Variants in TMEM201 observed in about 807,000 individuals in gnomAD.
TMEM201 encodes the protein transmembrane protein 201.
TMEM201 carries 26 observed loss-of-function variants against 63.4 expected under a neutral mutation model. That is an observed-to-expected ratio of 0.41 (90% confidence interval 0.30 to 0.57). The LOEUF (loss-of-function observed/expected upper bound fraction) is 0.57, where lower values mean the gene tolerates loss of function less well. Among genes scored for constraint, TMEM201 ranks in the 20% least tolerant of loss-of-function variants. TMEM201 has a pLI of 0.29. For missense variants in TMEM201, 794 were observed against 917.7 expected, an observed-to-expected ratio of 0.87 and a Z score of 1.74; for synonymous variants, 417 against 421.6, an observed-to-expected ratio of 0.99 and a Z score of 0.14.
chr1:9,607,315 C>T lies in TMEM201; in HGVS notation c.1161-242C>T, dbSNP rs532050225. On this transcript the variant is annotated intron_variant, in intron 6 of 10. Coordinates refer to ENST00000340381, the MANE Select transcript of TMEM201 (RefSeq NM_001130924.3). The surrounding 1 kb of genome is among the most constrained non-coding windows in gnomAD (Gnocchi z 5.4). ...GTAGTGGAGATAGTTTGCTGTGAGC[C>T]GAGGGGGTAGGAGGGGGCATGTGGG... is the stretch of plus-strand genomic sequence containing the variant. Among the ~76,000 whole-genome samples the T allele has an allele frequency of 3.3e-5, 5 of 151,312 alleles. No individual in the cohort carries two copies. The highest frequency in any genetic ancestry group is 2.1e-4 in the South Asian group (1 of 4,760).
rs60327689 is a variant in TMEM201 at position 9,613,590 on chromosome 1, C to T, written c.*507C>T. 2.8e-3 allele frequency: 437 copies of T among 156,512 alleles called. 2 individuals are homozygous for T. Among genetic ancestry groups the T allele is most frequent in the African/African-American group, 9.9e-3 (412 of 41,642 alleles). The allele number at this position is 156,512 out of a possible 1,614,324, so 9.7% of individuals were successfully genotyped here. A position where few individuals can be genotyped will look rare whatever the true frequency, so the allele number is the denominator to read the frequency against. ...GGGGAAGCATGGTCCTTATCATCTG[C>T]CCTATCTTGCCCCTTCCTGTGGAGT... is the stretch of plus-strand genomic sequence containing the variant. On this transcript the variant is annotated 3_prime_UTR_variant, in exon 11 of 11. Transcript: ENST00000340381.
In TMEM201 at chr1:9,611,603, G is replaced by GC. The variant is rs529525270; in HGVS notation, c.1766-144dup. ...GGCAGGACAGTTGAGCAAGGACCTG[G>GC]CCCCCCACTGTCCAGGGTGGATGAG... On this transcript the variant is annotated intron_variant, in intron 9 of 10. Transcript: ENST00000340381. 8.7e-4 allele frequency: 811 copies of GC among 932,350 alleles called. 6 individuals are homozygous for GC. The African/African-American group carries it at 0.011, about 13-fold the overall frequency. The allele number at this position is 932,350 out of a possible 1,614,324, so 57.8% of individuals were successfully genotyped here. A position where few individuals can be genotyped will look rare whatever the true frequency, so the allele number is the denominator to read the frequency against.
chr1:9,602,126 C>T lies in TMEM201; in HGVS notation c.1014C>T (p.His338=), dbSNP rs1261097747. The T allele has an allele frequency of 1.9e-6, 3 of 1,613,086 alleles. No homozygotes were observed. Among genetic ancestry groups the T allele is most frequent in the East Asian group, 2.2e-5 (1 of 44,876 alleles). Residue 338 remains histidine (H), a synonymous_variant, in exon 6 of 11, where the codon CAC becomes CAT. Transcript: ENST00000340381. ...TGTGGGCCCTGCTGCTGGGGCTGCA[C>T]CTGGCTGAGCAGCACCTGCAGGCCG... ...TCLWALLLGL[H]LAEQHLQAAS...
intron 1 of TMEM201, among the ~76,000 whole-genome samples, chr1:9,591,756 C>T (rs927884199): frequency 2.6e-5 from 4 of 152,242 alleles, no homozygotes; most frequent in Non-Finnish European, 4.4e-5. Context: ...AACGGCCCTT[C>T]CCGTTTCCAG....
chr1:9,611,732 AAC>A lies in TMEM201; in HGVS notation c.1766-16_1766-15del, dbSNP rs140401699. Reference sequence around the variant, plus strand: ...GAGGGAGCCATGAGCGCCACTGAGAAACACACCCTTCTCTCTGCAGACCTGAG... The same window carrying A: ...GAGGGAGCCATGAGCGCCACTGAGAAACACCCTTCTCTCTGCAGACCTGAG... On this transcript the variant is annotated intron_variant, in intron 9 of 10. Transcript: ENST00000340381. 5.4e-3 allele frequency: 8,410 copies of A among 1,551,188 alleles called. 21 individuals carry two copies. Among genetic ancestry groups the A allele is most frequent in the Non-Finnish European group, 6.7e-3 (7,638 of 1,147,034 alleles).
At chr1:9,596,259 A>G (rs1644018282) in intron 2 of TMEM201, among the ~76,000 whole-genome samples, 1 of 152,206 alleles carries the variant, frequency 6.6e-6, no homozygotes, top group African/African-American at 2.4e-5. Flanking sequence ...AGTTTGTCCA[A>G]GGTTACACCA....
At chr1:9,598,299 A>G in intron 3 of TMEM201, 150 bp from the exon 4 acceptor site, 1 of 861,798 alleles carries the variant, frequency 1.2e-6, no homozygotes, top group Admixed American at 2.6e-5. Context: ...CCTGTTGGGC[A>G]GAGGGGAAGC....
rs755254526 is a variant in TMEM201 at position 9,602,087 on chromosome 1, C to T, written c.975C>T (p.Ala325=). ...CTTTCAGGCTCCGGAGGATCGATGC[C>T]TTCTGCACCTGCCTGTGGGCCCTGC... is the stretch of plus-strand genomic sequence containing the variant. ...AGRIRLRRID[A]FCTCLWALLL... Residue 325 remains alanine (A), a synonymous_variant, in exon 6 of 11, where the codon GCC becomes GCT. Coordinates refer to ENST00000340381, the MANE Select transcript of TMEM201 (RefSeq NM_001130924.3). The T allele has an allele frequency of 2.5e-6, 4 of 1,612,770 alleles. No homozygotes were observed. The highest frequency in any genetic ancestry group is 1.7e-5 in the Admixed American group (1 of 60,020).
chr1:9,611,984 C>A, intron 10 of TMEM201, 94 bp downstream of exon 10: 2 of 1,392,468 alleles, frequency 1.4e-6, no homozygotes, highest in Non-Finnish European at 1.9e-6. Context: ...CAGAAAGAAT[C>A]TTCCAGGACA....
At chr1:9,609,613 G>A (rs1297338393) in intron 7 of TMEM201, among the ~76,000 whole-genome samples, 1 of 152,176 alleles carries the variant, frequency 6.6e-6, no homozygotes. Flanking sequence ...GGGATTACAG[G>A]CATGAGCCAC....
intron 3 of TMEM201, among the ~76,000 whole-genome samples, chr1:9,597,924 C>T (rs1024579063): frequency 6.6e-6 from 1 of 152,224 alleles, no homozygotes; most frequent in African/African-American, 2.4e-5. Flanking sequence ...TGCAGTGCTG[C>T]ACGTCTAAGG....
chr1:9,611,980 G>C (rs1037998437), intron 10 of TMEM201, 90 bp downstream of exon 10: 3 of 1,405,404 alleles, frequency 2.1e-6, no homozygotes, highest in Middle Eastern at 2.5e-4. Flanking sequence ...CTGACAGAAA[G>C]AATCTTCCAG....
intron 4 of TMEM201, among the ~76,000 whole-genome samples, chr1:9,600,159 T>G (rs984887430): frequency 3.9e-5 from 6 of 152,196 alleles, no homozygotes; most frequent in African/African-American, 1.4e-4. Context: ...AAGGGGTGGA[T>G]AGGAGTTTCC....
At chr1:9,602,566 T>C in intron 6 of TMEM201, 1 of 1,324,754 alleles carries the variant, frequency 7.5e-7, no homozygotes. Context: ...GACTGGAATG[T>C]GGGCAGCGCC....
Position 9,604,688 on chromosome 1 carries a change from G to T in TMEM201, c.1160+2416G>T. On this transcript the variant is annotated intron_variant, in intron 6 of 10. Coordinates refer to ENST00000340381, the MANE Select transcript of TMEM201 (RefSeq NM_001130924.3). The surrounding 1 kb of genome is among the most constrained non-coding windows in gnomAD (Gnocchi z 4.1). ...CCCTCAGACTTGAGGTCCCCACCCA[G>T]GCCAAGCCGGCCCCCCGTACCCCTT... 1.0e-6 allele frequency: 1 copy of T among 985,880 alleles called. No individual in the cohort carries two copies. 61.1% of individuals were successfully genotyped at this position (985,880 alleles called of 1,614,324 possible). A position where few individuals can be genotyped will look rare whatever the true frequency, so the allele number is the denominator to read the frequency against.
rs141186958 is a variant in TMEM201 at position 9,599,525 on chromosome 1, G to A, written c.606+900G>A. On this transcript the variant is annotated intron_variant, in intron 4 of 10. Transcript: ENST00000340381. ...CCGCCTTGGCCTCCCAAAGTGCTGG[G>A]ATTACAGGCCTGAGCCACCGCACCC... 4.0e-5 allele frequency among the ~76,000 whole-genome samples: 6 copies of A among 151,534 alleles called. No individual in the cohort carries two copies. The East Asian group carries it at 1.2e-3, about 30-fold the overall frequency.
At chr1:9,606,152 C>T (rs1644238968) in intron 6 of TMEM201, 3 of 152,272 alleles carry the variant, frequency 2.0e-5, no homozygotes, top group African/African-American at 7.2e-5. Context: ...AGAATTCTAA[C>T]ATGACGACAC....
At chr1:9,598,121 C>T (rs1055954215) in intron 3 of TMEM201, among the ~76,000 whole-genome samples, 2 of 152,218 alleles carry the variant, frequency 1.3e-5, no homozygotes, top group African/African-American at 4.8e-5. Context: ...CCCATGTTCA[C>T]CCACCTTCTT....
rs201631577 is a variant in TMEM201 at position 9,604,512 on chromosome 1, G to T, written c.1160+2240G>T. The T allele has an allele frequency of 2.0e-5, 20 of 985,466 alleles. No homozygotes were observed. The highest frequency in any genetic ancestry group is 2.3e-5 in the Non-Finnish European group (19 of 829,936). The allele number at this position is 985,466 out of a possible 1,614,324, so 61.0% of individuals were successfully genotyped here. A position where few individuals can be genotyped will look rare whatever the true frequency, so the allele number is the denominator to read the frequency against. On this transcript the variant is annotated intron_variant, in intron 6 of 10. Coordinates refer to ENST00000340381, the MANE Select transcript of TMEM201 (RefSeq NM_001130924.3). The surrounding 1 kb of genome is among the most constrained non-coding windows in gnomAD (Gnocchi z 4.1). ...TGCAGGCACCACTGTGTTGTGGCTT[G>T]TTGACCGGGAATGTGTCACCCCTGC...
Sources: gnomAD v4.1 joint callset for allele counts (sites outside exome capture counted in the v4.1 genomes callset) on GRCh38, gnomAD v4.1.1 for gene constraint, Gnocchi (gnomAD v3.1) non-coding constraint, MANE v1.5 for transcripts, NCBI Gene and HGNC (gene_info 2026-07-23, HGNC 2026-07-21) for gene names.